Variants in DPP10 observed in about 807,000 individuals in gnomAD.
DPP10 encodes inactive dipeptidyl peptidase 10.
A neutral mutation model predicts 120.9 loss-of-function variants in DPP10; 33 were observed. The ratio of observed to expected loss-of-function variants is 0.27; its 90% confidence interval spans 0.21 to 0.37. The LOEUF (loss-of-function observed/expected upper bound fraction) is 0.37, where lower values mean the gene tolerates loss of function less well. Ranked by LOEUF, DPP10 falls within the 10% of genes least tolerant of loss-of-function variation. The probability of loss-of-function intolerance (pLI) is 1.00; values close to 1 mark genes in which losing one functional copy is unlikely to be tolerated. For missense variants in DPP10, 816 were observed against 942.8 expected (o/e 0.87, Z 1.76); for synonymous variants, 337 against 326.1 (o/e 1.03, Z -0.36).
intron 1 of DPP10, among the ~76,000 whole-genome samples, chr2:115,083,449 A>G (rs548695184): frequency 3.9e-5 from 6 of 152,272 alleles, no homozygotes; most frequent in African/African-American, 1.4e-4. Context: ...TATTTCACAT[A>G]GTATCACAAC....
At chr2:114,976,344 A>G (rs1467937254) in intron 1 of DPP10, among the ~76,000 whole-genome samples, 1 of 152,166 alleles carries the variant, frequency 6.6e-6, no homozygotes, top group Non-Finnish European at 1.5e-5. Flanking sequence ...ATTTAAATAG[A>G]TTCAATGCAT....
intron 22 of DPP10, 100 bp downstream of exon 22, chr2:115,836,356 A>G (rs1689527536): frequency 2.9e-6 from 4 of 1,376,608 alleles, no homozygotes; most frequent in Admixed American, 2.1e-5. Context: ...ATCATATGTT[A>G]TTAGAGCCTG....
intron 1 of DPP10, among the ~76,000 whole-genome samples, chr2:114,602,731 G>A (rs766880269): frequency 6.6e-6 from 1 of 152,000 alleles, no homozygotes; most frequent in African/African-American, 2.4e-5. Flanking sequence ...GTAGAGAGTG[G>A]TGTACGTGAG....
intron 1 of DPP10, among the ~76,000 whole-genome samples, chr2:114,506,495 C>T (rs1466835731): frequency 6.6e-6 from 1 of 152,170 alleles, no homozygotes; most frequent in Non-Finnish European, 1.5e-5. Flanking sequence ...GGCTGTCACA[C>T]TGACCTTCCA....
chr2:115,220,305 T>C (rs1420144335), intron 1 of DPP10, among the ~76,000 whole-genome samples: 1 of 152,214 alleles, frequency 6.6e-6, no homozygotes, highest in East Asian at 1.9e-4. Flanking sequence ...TCTGTCTTTA[T>C]GAGTCAGTGT....
chr2:115,759,662 TAAG>T (rs1345397033), intron 11 of DPP10, among the ~76,000 whole-genome samples: 9 of 150,282 alleles, frequency 6.0e-5, no homozygotes. Context: ...TATATATAAA[TAAG>T]AAGACATATA....
At chr2:115,410,190 T>C (rs111376795) in intron 3 of DPP10, among the ~76,000 whole-genome samples, 2,163 of 152,286 alleles carry the variant, frequency 0.014, 52 homozygotes, top group African/African-American at 0.049. Flanking sequence ...CATATGTTCA[T>C]TGCAGCACTA....
At chr2:114,799,571 T>A (rs1437862868) in intron 1 of DPP10, among the ~76,000 whole-genome samples, 1 of 152,200 alleles carries the variant, frequency 6.6e-6, no homozygotes, top group African/African-American at 2.4e-5. Context: ...GAAAAGACAT[T>A]TGCCTTTTTC....
At chr2:114,493,293 C>CAG (rs1381150808) in intron 1 of DPP10, among the ~76,000 whole-genome samples, 4 of 151,934 alleles carry the variant, frequency 2.6e-5, no homozygotes, top group Non-Finnish European at 1.5e-5. Flanking sequence ...GGATGGTGGG[C>CAG]AGAGAGAGAA....
At chr2:115,666,064 T>C (rs1027718045) in intron 5 of DPP10, among the ~76,000 whole-genome samples, 2 of 152,068 alleles carry the variant, frequency 1.3e-5, no homozygotes, top group Admixed American at 6.6e-5. Context: ...CACCCTCAAG[T>C]AGACCTTGGT....
intron 1 of DPP10, among the ~76,000 whole-genome samples, chr2:114,586,428 G>A (rs568433407): frequency 2.6e-5 from 4 of 152,258 alleles, no homozygotes; most frequent in African/African-American, 9.6e-5. Flanking sequence ...TGCATGATGT[G>A]GGCAAATTAA....
chr2:114,603,146 T>C (rs1692507194), intron 1 of DPP10, among the ~76,000 whole-genome samples: 1 of 152,064 alleles, frequency 6.6e-6, no homozygotes, highest in South Asian at 2.1e-4. Context: ...ATAGTCATTG[T>C]AATAATAAAA....
chr2:115,333,974 C>T (rs2062929280), intron 2 of DPP10, among the ~76,000 whole-genome samples: 2 of 151,726 alleles, frequency 1.3e-5, no homozygotes, highest in Non-Finnish European at 2.9e-5. Context: ...AAGAAAGCCT[C>T]CAAGAAATAT....
At chr2:114,789,751 G>A (rs1683085313) in intron 1 of DPP10, among the ~76,000 whole-genome samples, 1 of 152,224 alleles carries the variant, frequency 6.6e-6, no homozygotes, top group Non-Finnish European at 1.5e-5. Context: ...AAGGGATGGA[G>A]ATGGGAAGTT....
intron 1 of DPP10, among the ~76,000 whole-genome samples, chr2:114,765,087 G>A (rs1388909947): frequency 6.6e-6 from 1 of 152,044 alleles, no homozygotes; most frequent in African/African-American, 2.4e-5. Context: ...ATATTCCAAA[G>A]GTTATGAGGG....
At chr2:114,634,371 T>G (rs190744717) in intron 1 of DPP10, among the ~76,000 whole-genome samples, 3 of 148,204 alleles carry the variant, frequency 2.0e-5, no homozygotes, top group Non-Finnish European at 4.4e-5. Flanking sequence ...GCCATTTTTT[T>G]AAGTTTTTTT....
intron 5 of DPP10, among the ~76,000 whole-genome samples, chr2:115,642,833 TGTA>T (rs2086897438): frequency 6.6e-6 from 1 of 152,108 alleles, no homozygotes; most frequent in Admixed American, 6.6e-5. Flanking sequence ...TATACTATAT[TGTA>T]GTTTAAACAT....
intron 3 of DPP10, among the ~76,000 whole-genome samples, chr2:115,467,772 ATATT>A (rs1270290323): frequency 4.6e-5 from 7 of 152,172 alleles, no homozygotes; most frequent in African/African-American, 1.7e-4. Flanking sequence ...CTACAATGGA[ATATT>A]TATTAACTAG....
At chr2:115,834,913 G>A (rs1237772801) in intron 21 of DPP10, among the ~76,000 whole-genome samples, 1 of 151,990 alleles carries the variant, frequency 6.6e-6, no homozygotes, top group Non-Finnish European at 1.5e-5. Context: ...GGTGAAACCC[G>A]TCTCTACTAA....
Sources: allele counts gnomAD v4.1 joint callset (sites outside exome capture counted in the v4.1 genomes callset), GRCh38; gene constraint gnomAD v4.1.1; transcripts MANE v1.5; gene names NCBI Gene and HGNC (gene_info 2026-07-23, HGNC 2026-07-21).